RESF1: variants seen among roughly 807,000 people sequenced by gnomAD.
RESF1 encodes gonad expressed transcript.
In RESF1, 65 loss-of-function variants were observed where a neutral mutation model predicts 134.7. The observed-to-expected ratio is 0.48, with a 90% CI of 0.40 to 0.59. The LOEUF (loss-of-function observed/expected upper bound fraction) is 0.59. Ranked by LOEUF, RESF1 falls within the 20% of genes least tolerant of loss-of-function variation. The pLI is 0.00. For missense variants in RESF1, 2,274 were observed against 2,002.7 expected, an observed-to-expected ratio of 1.14 and a Z score of -2.59; for synonymous variants, 762 against 702.2, an observed-to-expected ratio of 1.09 and a Z score of -1.35.
At chr12:31,964,546 G>C (rs1939356160) in intron 2 of RESF1, among the ~76,000 whole-genome samples, 1 of 152,122 alleles carries the variant, frequency 6.6e-6, no homozygotes, top group Admixed American at 6.5e-5. Flanking sequence ...TGGGCATTTA[G>C]GTTGATTCTG....
intron 3 of RESF1, among the ~76,000 whole-genome samples, chr12:31,978,712 ATTTTTTTTT>A (rs35842957): frequency 3.2e-4 from 39 of 121,924 alleles, no homozygotes; most frequent in African/African-American, 8.3e-4. Flanking sequence ...CACCCAGCTA[ATTTTTTTTT>A]TTTTTTTTTT....
At chr12:31,976,621 T>C (rs1008788372) in intron 3 of RESF1, among the ~76,000 whole-genome samples, 21 of 151,842 alleles carry the variant, frequency 1.4e-4, no homozygotes, top group Non-Finnish European at 2.8e-4. Context: ...AGGCAGAGGT[T>C]GCAGTGAGCC....
chr12:31,980,358 G>A (rs1337071888), intron 3 of RESF1, among the ~76,000 whole-genome samples: 1 of 152,040 alleles, frequency 6.6e-6, no homozygotes. Context: ...TGATCCACCT[G>A]CCTCTGCCTC....
chr12:31,969,547 T>C (rs1437123715), intron 2 of RESF1, among the ~76,000 whole-genome samples: 2 of 152,200 alleles, frequency 1.3e-5, no homozygotes, highest in African/African-American at 4.8e-5. Flanking sequence ...AGTTTATACT[T>C]CCATATTCTA....
rs767752601 is a variant in RESF1, at chr12:31,984,570, G to A, written c.3615G>A (p.Glu1205=). 3.8e-6 allele frequency: 6 copies of A among 1,587,694 alleles called. No individual in the cohort carries two copies. The highest frequency in any genetic ancestry group is 4.3e-6 in the Non-Finnish European group (5 of 1,168,782). Residue 1205 remains glutamate, a synonymous_variant, in exon 4 of 6, where the codon GAG becomes GAA. Coordinates refer to ENST00000312561, the MANE Select transcript of RESF1 (RefSeq NM_018169.4). ...NSSSEEEKQK[E]QCSPLDTNSC... is the part of the protein sequence containing the mutation. ...CTTCAGAGGAAGAGAAACAAAAAGA[G>A]CAGTGTTCTCCTTTGGATACCAACA...
At position 31,985,203 on chromosome 12, in the gene RESF1, AAG is replaced by A; in HGVS notation, c.4251_4252del (p.Arg1417SerfsTer4). ...LGDSLSNPNE[R>X]AIVKEKMVSN... ...GTGACTCTTTGTCAAACCCAAACGAAAGAGCCATTGTTAAAGAAAAGATGGTA... is the reference window on the plus strand; with the variant it reads ...GTGACTCTTTGTCAAACCCAAACGAAAGCCATTGTTAAAGAAAAGATGGTA... On this transcript the variant is annotated frameshift_variant, in exon 4 of 6. Transcript: ENST00000312561. LOFTEE classifies it high-confidence loss of function. 6.3e-7 allele frequency: 1 copy of A among 1,580,418 alleles called. No individual in the cohort carries two copies. The highest frequency in any genetic ancestry group is 2.0e-5 in the Admixed American group (1 of 49,936).
chr12:31,974,984 G>GA (rs552408960), intron 3 of RESF1, among the ~76,000 whole-genome samples: 27 of 148,192 alleles, frequency 1.8e-4, no homozygotes, highest in Non-Finnish European at 3.4e-4. Flanking sequence ...TAGGTTTAAA[G>GA]AAAATTGAGG....
rs1939248715 is a variant in RESF1 at position 31,960,858 on chromosome 12, A to G, written c.-260A>G. 1.3e-5 allele frequency: 2 copies of G among 152,216 alleles called. No individual in the cohort carries two copies. Among genetic ancestry groups the G allele is most frequent in the African/African-American group, 4.8e-5 (2 of 41,460 alleles). 9.4% of individuals were successfully genotyped at this position (152,216 alleles called of 1,614,324 possible). ...AATGTACACGATAATTAAAGAGTAA[A>G]GTTGTGCTCAACGGTAAGTGTATCA... is the stretch of plus-strand genomic sequence containing the variant. On this transcript the variant is annotated 5_prime_UTR_variant, in exon 2 of 6. Transcript: ENST00000312561.
intron 2 of RESF1, among the ~76,000 whole-genome samples, chr12:31,961,918 A>G (rs1939278466): frequency 6.6e-6 from 1 of 152,194 alleles, no homozygotes; most frequent in South Asian, 2.1e-4. Flanking sequence ...AATTGATTTA[A>G]TGTTGCTTAA....
At chr12:31,962,575 A>G (rs536085376) in intron 2 of RESF1, 2 of 152,350 alleles carry the variant, frequency 1.3e-5, no homozygotes, top group South Asian at 2.1e-4. Flanking sequence ...TTGGAACTAT[A>G]CATTTTATGC....
At chr12:31,986,077 C>T in intron 4 of RESF1, 120 bp downstream of exon 4, 1 of 517,920 alleles carries the variant, frequency 1.9e-6, no homozygotes. Flanking sequence ...TGTTATGCCA[C>T]TACCTAGTAT....
At chr12:31,962,600 A>T (rs1301696373) in intron 2 of RESF1, 1 of 152,204 alleles carries the variant, frequency 6.6e-6, no homozygotes, top group Non-Finnish European at 1.5e-5. Context: ...GGTTTTCATG[A>T]TCGCAAAGAT....
intron 5 of RESF1, among the ~76,000 whole-genome samples, chr12:31,990,357 CACA>C (rs1940070002): frequency 6.6e-6 from 1 of 152,108 alleles, no homozygotes. Flanking sequence ...TTTGTCATGG[CACA>C]ACAAGACGCA....
Position 31,981,831 on chromosome 12 carries a change from A to T in RESF1, c.876A>T (p.Gln292His). 2 of 1,614,110 alleles carry T rather than the reference A, an allele frequency of 1.2e-6. No individual in the cohort carries two copies. Among genetic ancestry groups the T allele is most frequent in the Non-Finnish European group, 1.7e-6 (2 of 1,180,040 alleles). The change falls in exon 4 of 6, where the codon CAA (glutamine) becomes CAT (histidine). Residue 292 changes from glutamine to histidine, a missense_variant. Transcript: ENST00000312561. ...GTAGATATGGAAGCCAGCCTTTGCA[A>T]AGTACTCAGCATATTACTAAACACT... The part of the protein sequence containing the change: ...YNCRYGSQPL[Q>H]STQHITKHLS...
Position 31,983,784 on chromosome 12 carries a change from A to C in RESF1, c.2829A>C (p.Leu943Phe), listed in dbSNP as rs1293305662. Residue 943 changes from leucine (L) to phenylalanine (F), a missense_variant, in exon 4 of 6, where the codon TTA becomes TTC. Transcript: ENST00000312561. ...GCAGCAGAGAACCAGAAAAACAATTAGATAATACCACTGAAAATAAAGACT... is the reference window on the plus strand; with the variant it reads ...GCAGCAGAGAACCAGAAAAACAATTCGATAATACCACTGAAAATAAAGACT... ...GIGSREPEKQ[L>F]DNTTENKDFG... is the part of the protein sequence containing the mutation. The C allele has an allele frequency of 1.9e-6, 3 of 1,613,170 alleles. No homozygotes were observed. The highest frequency in any genetic ancestry group is 2.2e-5 in the South Asian group (2 of 91,006).
At chr12:31,980,275 C>A (rs1337347099) in intron 3 of RESF1, among the ~76,000 whole-genome samples, 1 of 151,922 alleles carries the variant, frequency 6.6e-6, no homozygotes, top group African/African-American at 2.4e-5. Flanking sequence ...CCACACCCCG[C>A]TAATTTTTGT....
In RESF1 at chr12:31,985,345, TCG is replaced by T; in HGVS notation, c.4391_4392del (p.Ser1464Ter). The T allele has an allele frequency of 6.2e-7, 1 of 1,610,582 alleles. No individual in the cohort carries two copies. Among genetic ancestry groups the T allele is most frequent in the Non-Finnish European group, 8.5e-7 (1 of 1,179,312 alleles). On this transcript the variant is annotated frameshift_variant, in exon 4 of 6. Coordinates refer to ENST00000312561, the MANE Select transcript of RESF1 (RefSeq NM_018169.4). LOFTEE classifies it high-confidence loss of function. ...KHKEALSNKA[S>X]KKICVKNVPC... ...TAAAGAAGCTCTGAGTAATAAAGCATCGAAGAAAATCTGTGTGAAAAACGTGC... is the reference window on the plus strand; with the variant it reads ...TAAAGAAGCTCTGAGTAATAAAGCATAAGAAAATCTGTGTGAAAAACGTGC...
In RESF1 at chr12:31,983,831, C is replaced by T. The variant is rs756106829; in HGVS notation, c.2876C>T (p.Pro959Leu). 1.9e-6 allele frequency: 3 copies of T among 1,613,176 alleles called. No homozygotes were observed. Among genetic ancestry groups the T allele is most frequent in the Non-Finnish European group, 1.7e-6 (2 of 1,179,980 alleles). ...GACTTTGGTTTTCAAAAAGATAAAC[C>T]TGTACAGTGCACAGATGTTTCACAT... Reference protein sequence around the residue: ...NKDFGFQKDKPVQCTDVSHKI... With the variant: ...NKDFGFQKDKLVQCTDVSHKI... Residue 959 changes from proline to leucine, a missense_variant, in exon 4 of 6, where the codon CCT (proline) becomes CTT (leucine). By Grantham distance (98) the Pro-to-Leu change is moderately conservative (BLOSUM62 -3). Transcript: ENST00000312561.
At chr12:31,987,385 TA>T in intron 5 of RESF1, 63 bp downstream of exon 5, 1 of 936,382 alleles carries the variant, frequency 1.1e-6, no homozygotes, top group African/African-American at 1.7e-5. Flanking sequence ...GAAATTGGAT[TA>T]TGGTTATGAT....
Sources: allele counts gnomAD v4.1 joint callset (sites outside exome capture counted in the v4.1 genomes callset), GRCh38; gene constraint gnomAD v4.1.1; transcripts MANE v1.5; gene names NCBI Gene and HGNC (gene_info 2026-07-23, HGNC 2026-07-21).